PLAT: variants seen among roughly 807,000 people sequenced by gnomAD.
PLAT encodes tissue-type plasminogen activator.
In PLAT, 48 loss-of-function variants were observed where a neutral mutation model predicts 74.9. The observed-to-expected ratio is 0.64, with a 90% CI of 0.51 to 0.82. The LOEUF is 0.82. Among genes scored for constraint, PLAT ranks in the 40% least tolerant of loss-of-function variants. PLAT has a pLI of 0.00. For missense variants in PLAT, 673 were observed against 736.2 expected (o/e 0.91, Z 0.99); for synonymous variants, 307 against 294.4 (o/e 1.04, Z -0.44).
intron 13 of PLAT, among the ~76,000 whole-genome samples, chr8:42,176,971 GT>G (rs8178797): frequency 0.014 from 2,126 of 150,132 alleles, 53 homozygotes; most frequent in African/African-American, 0.05. Context: ...TTCTTTTTTT[GT>G]TTTTTTTTGT....
rs773970600 is a variant in PLAT at position 42,182,781 on chromosome 8, C to T, written c.741G>A (p.Lys247=). The T allele has an allele frequency of 6.2e-7, 1 of 1,613,802 alleles. No homozygotes were observed. The highest frequency in any genetic ancestry group is 8.5e-7 in the Non-Finnish European group (1 of 1,179,900). Residue 247 remains lysine, a synonymous_variant, in exon 8 of 14, where the codon AAG becomes AAA. Transcript: ENST00000220809. Reference sequence around the variant, plus strand: ...CACTGGGGTTCTGTGCTGTGTAAACCTTGCCTATCAGGATCATGGAATTCC... The same window carrying T: ...CACTGGGGTTCTGTGCTGTGTAAACTTTGCCTATCAGGATCATGGAATTCC... ...LPWNSMILIG[K]VYTAQNPSAQ... is the part of the protein sequence containing the mutation.
intron 6 of PLAT, chr8:42,187,130 C>A (rs749134222): frequency 2.7e-6 from 1 of 364,702 alleles, no homozygotes; most frequent in East Asian, 4.0e-5. Flanking sequence ...TATCACCTAT[C>A]ATCTGTCTAT....
intron 1 of PLAT, among the ~76,000 whole-genome samples, chr8:42,199,121 T>G (rs1279769761): frequency 6.6e-6 from 1 of 152,238 alleles, no homozygotes; most frequent in Non-Finnish European, 1.5e-5. Context: ...ACAGAGGCCA[T>G]GATCTCAGAA....
At chr8:42,193,248 C>T (rs756938082) in intron 1 of PLAT, 37 bp from the exon 2 acceptor site, 32 of 1,350,300 alleles carry the variant, frequency 2.4e-5, no homozygotes, top group Middle Eastern at 1.8e-4. Context: ...TCACGGGGTG[C>T]GAGAGGTCCA....
At chr8:42,181,144 C>T (rs566922619) in intron 9 of PLAT, among the ~76,000 whole-genome samples, 12 of 152,312 alleles carry the variant, frequency 7.9e-5, no homozygotes, top group Non-Finnish European at 1.2e-4. Flanking sequence ...CTTAGGGACA[C>T]GGACCACTGA....
rs1423246286 is a variant in PLAT at position 42,197,960 on chromosome 8, T to C, written c.-26-4749A>G. Among the ~76,000 whole-genome samples, 4 of 152,188 alleles carry C rather than the reference T, an allele frequency of 2.6e-5. No individual in the cohort carries two copies. In the South Asian group the frequency reaches 6.2e-4, roughly 24 times the overall value. ...CGGTTTCTGTTCTGTTGTGAGAACA[T>C]ACGACATGGGGAGTGTCACATGCAG... is the stretch of plus-strand genomic sequence containing the variant. On this transcript the variant is annotated intron_variant, in intron 1 of 13. Coordinates refer to ENST00000220809, the MANE Select transcript of PLAT (RefSeq NM_000930.5).
chr8:42,206,111 G>C (rs566206596), intron 1 of PLAT, among the ~76,000 whole-genome samples: 7 of 152,316 alleles, frequency 4.6e-5, no homozygotes, highest in South Asian at 2.1e-4. Context: ...AATCCGACGC[G>C]AGTCATTGTG....
rs8178783 is a variant in PLAT at position 42,180,110 on chromosome 8, C to T, written c.1223-44G>A. ...GAGTGAGCTGGCGTGAGGGCCGCGT[C>T]CCCGGGAGGGGAGGAACACGCAGGA... On this transcript the variant is annotated intron_variant, in intron 11 of 13. Transcript: ENST00000220809. 1.9e-3 allele frequency: 3,015 copies of T among 1,589,546 alleles called. 48 individuals carry two copies. The African/African-American group carries it at 0.036, about 19-fold the overall frequency.
chr8:42,204,875 G>A (rs184670358), intron 1 of PLAT, among the ~76,000 whole-genome samples: 41 of 151,780 alleles, frequency 2.7e-4, no homozygotes, highest in Admixed American at 1.1e-3. Context: ...AAAATTAGCC[G>A]GGCGTGGTGG....
chr8:42,187,593 G>A (rs1270976136), intron 5 of PLAT, 21 bp from the exon 6 acceptor site: 1 of 1,570,704 alleles, frequency 6.4e-7, no homozygotes, highest in Admixed American at 1.7e-5. Context: ...GCAGGGCATG[G>A]ATGCCTCACA....
Position 42,175,925 on chromosome 8 carries a change from C to T in PLAT, c.*68G>A, listed in dbSNP as rs1478150658. The stretch of plus-strand genomic sequence containing the variant: ...AGAAGTCTGTAGAGAAGCACTGCGC[C>T]TTTGCAGTGTCTTCTGAAGAAGAAG... On this transcript the variant is annotated 3_prime_UTR_variant, in exon 14 of 14. Coordinates refer to ENST00000220809, the MANE Select transcript of PLAT (RefSeq NM_000930.5). The T allele has an allele frequency of 6.6e-6, 10 of 1,519,698 alleles. No homozygotes were observed. Among genetic ancestry groups the T allele is most frequent in the Non-Finnish European group, 7.3e-6 (8 of 1,101,526 alleles). The allele number at this position is 1,519,698 out of a possible 1,614,324, so 94.1% of individuals were successfully genotyped here.
At chr8:42,206,854 C>G (rs1003020325) in intron 1 of PLAT, among the ~76,000 whole-genome samples, 1 of 152,184 alleles carries the variant, frequency 6.6e-6, no homozygotes, top group Non-Finnish European at 1.5e-5. Flanking sequence ...GACTGATGCA[C>G]CCTGGGCAAA....
At chr8:42,200,674 C>CA (rs10667666) in intron 1 of PLAT, among the ~76,000 whole-genome samples, 18,645 of 103,062 alleles carry the variant, frequency 0.18, 2,053 homozygotes, top group African/African-American at 0.25. Flanking sequence ...GATCCTGTCT[C>CA]AAAAAAAAAA....
At chr8:42,200,674 C>A (rs1334643625) in intron 1 of PLAT, among the ~76,000 whole-genome samples, 512 of 102,970 alleles carry the variant, frequency 5.0e-3, no homozygotes, top group South Asian at 6.8e-3. Context: ...GATCCTGTCT[C>A]AAAAAAAAAA....
chr8:42,202,742 C>T (rs1047221639), intron 1 of PLAT, among the ~76,000 whole-genome samples: 3 of 151,858 alleles, frequency 2.0e-5, no homozygotes, highest in African/African-American at 7.3e-5. Flanking sequence ...TACCACGCAG[C>T]AGGGTGGGGA....
chr8:42,188,860 A>G, intron 4 of PLAT, 74 bp downstream of exon 4: 1 of 1,361,872 alleles, frequency 7.3e-7, no homozygotes, highest in South Asian at 1.2e-5. Context: ...CCCGGGCTCC[A>G]GCGACCCTCC....
chr8:42,206,150 G>C (rs749069003), intron 1 of PLAT, among the ~76,000 whole-genome samples: 7 of 152,172 alleles, frequency 4.6e-5, no homozygotes, highest in African/African-American at 1.4e-4. Flanking sequence ...TTGGGGAGTC[G>C]GGCAGAGAAG....
intron 3 of PLAT, among the ~76,000 whole-genome samples, chr8:42,190,585 C>T (rs1805645466): frequency 6.6e-6 from 1 of 152,206 alleles, no homozygotes; most frequent in South Asian, 2.1e-4. Flanking sequence ...TGGTAGGAAG[C>T]AGGATGCCAT....
At chr8:42,203,326 G>A in intron 1 of PLAT, among the ~76,000 whole-genome samples, 1 of 152,130 alleles carries the variant, frequency 6.6e-6, no homozygotes, top group East Asian at 1.9e-4. Flanking sequence ...CATGCACATC[G>A]GCTGGGCCTG....
Sources: gnomAD v4.1 joint callset for allele counts (sites outside exome capture counted in the v4.1 genomes callset) on GRCh38, gnomAD v4.1.1 for gene constraint, MANE v1.5 for transcripts, NCBI Gene and HGNC (gene_info 2026-07-23, HGNC 2026-07-21) for gene names.